Variants in VPS13B observed in about 807,000 individuals in gnomAD.
VPS13B encodes vacuolar protein sorting 13 homolog B, also known as intermembrane lipid transfer protein VPS13B.
A neutral mutation model predicts 426.4 loss-of-function variants in VPS13B; 285 were observed. That is an observed-to-expected ratio of 0.67 (90% CI 0.61 to 0.74). VPS13B has a LOEUF of 0.74. Ranked by LOEUF, VPS13B falls within the 30% of genes least tolerant of loss-of-function variation. The pLI is 0.00. For synonymous variants in VPS13B, 1,676 were observed against 1,676.4 expected, an observed-to-expected ratio of 1.00 and a Z score of 0.01; for missense variants, 4,537 against 4,782.6, an observed-to-expected ratio of 0.95 and a Z score of 1.51.
chr8:99,119,806 A>C (rs1847850504), intron 7 of VPS13B, among the ~76,000 whole-genome samples: 1 of 152,122 alleles, frequency 6.6e-6, no homozygotes, highest in South Asian at 2.1e-4. Flanking sequence ...GAGTATGTGT[A>C]TTTATAGATT....
chr8:99,582,196 A>G lies in VPS13B; in HGVS notation c.5220+4563A>G, dbSNP rs181196379. Among the ~76,000 whole-genome samples the G allele has an allele frequency of 1.4e-4, 21 of 152,240 alleles. No individual in the cohort carries two copies. The East Asian group carries it at 2.9e-3, about 21-fold the overall frequency. ...TAGTCTCATAAAGGCCCAATTATAT[A>G]ATCATGGGCATTAGTTTATTTATTA... On this transcript the variant is annotated intron_variant, in intron 33 of 61. Transcript: ENST00000357162.
intron 33 of VPS13B, among the ~76,000 whole-genome samples, chr8:99,623,864 A>G (rs1393930690): frequency 6.6e-6 from 1 of 151,998 alleles, no homozygotes; most frequent in Non-Finnish European, 1.5e-5. Context: ...TACTCTCCAC[A>G]TGCAGAGATA....
intron 39 of VPS13B, among the ~76,000 whole-genome samples, chr8:99,747,851 T>G (rs1810176755): frequency 6.6e-6 from 1 of 151,982 alleles, no homozygotes; most frequent in Non-Finnish European, 1.5e-5. Context: ...GAATACTTTT[T>G]TTTTTCTCTT....
chr8:99,730,526 G>T (rs372355828), intron 39 of VPS13B, among the ~76,000 whole-genome samples: 1 of 151,996 alleles, frequency 6.6e-6, no homozygotes, highest in Non-Finnish European at 1.5e-5. Context: ...GTAAAAGTAT[G>T]AAAAAAAGAT....
intron 13 of VPS13B, among the ~76,000 whole-genome samples, chr8:99,145,999 A>G (rs1217087824): frequency 6.6e-6 from 1 of 152,202 alleles, no homozygotes; most frequent in Non-Finnish European, 1.5e-5. Flanking sequence ...CCATTCTGAT[A>G]GATGTGTAGT....
intron 17 of VPS13B, among the ~76,000 whole-genome samples, chr8:99,200,261 C>G (rs1242606468): frequency 6.6e-6 from 1 of 152,092 alleles, no homozygotes; most frequent in African/African-American, 2.4e-5. Flanking sequence ...AAATAGTATT[C>G]CATTTTATCC....
intron 19 of VPS13B, among the ~76,000 whole-genome samples, chr8:99,314,974 T>A (rs1340893934): frequency 6.6e-6 from 1 of 152,212 alleles, no homozygotes; most frequent in Non-Finnish European, 1.5e-5. Flanking sequence ...TCAATTTGCA[T>A]GGAATATCTT....
intron 33 of VPS13B, among the ~76,000 whole-genome samples, chr8:99,624,007 A>ATATATATATTTTT (rs1206203704): frequency 2.0e-5 from 2 of 101,122 alleles, no homozygotes; most frequent in African/African-American, 8.8e-5. Context: ...ATATATATAT[A>ATATATATATTTTT]TTTTTTTTTT....
At chr8:99,799,547 GT>G in intron 43 of VPS13B, among the ~76,000 whole-genome samples, 1 of 152,246 alleles carries the variant, frequency 6.6e-6, no homozygotes, top group East Asian at 1.9e-4. Flanking sequence ...CAGCAAGGCA[GT>G]TTAGTTAAAT....
intron 3 of VPS13B, among the ~76,000 whole-genome samples, chr8:99,065,896 T>A (rs916589647): frequency 6.6e-6 from 1 of 152,206 alleles, no homozygotes; most frequent in Admixed American, 6.5e-5. Context: ...TGAACTCCCA[T>A]TCACAATTGC....
At chr8:99,660,318 C>T (rs1015880617) in intron 34 of VPS13B, among the ~76,000 whole-genome samples, 19 of 152,140 alleles carry the variant, frequency 1.2e-4, no homozygotes, top group Non-Finnish European at 2.6e-4. Flanking sequence ...TACTAAATAA[C>T]CATATGTTGA....
At chr8:99,280,683 G>C (rs1157258660) in intron 19 of VPS13B, among the ~76,000 whole-genome samples, 2 of 151,840 alleles carry the variant, frequency 1.3e-5, no homozygotes, top group Non-Finnish European at 2.9e-5. Context: ...TACCACTAGA[G>C]AAAATATCTA....
intron 34 of VPS13B, among the ~76,000 whole-genome samples, chr8:99,650,182 A>G (rs574379270): frequency 1.3e-5 from 2 of 152,272 alleles, no homozygotes; most frequent in Admixed American, 1.3e-4. Flanking sequence ...ATACTTTTAT[A>G]TCTTTACATC....
chr8:99,834,704 G>T (rs1326155211), intron 52 of VPS13B, among the ~76,000 whole-genome samples: 1 of 152,048 alleles, frequency 6.6e-6, no homozygotes, highest in South Asian at 2.1e-4. Context: ...GACCACAAGT[G>T]TGCACCACAG....
intron 23 of VPS13B, among the ~76,000 whole-genome samples, chr8:99,446,236 C>T (rs1017838200): frequency 6.6e-6 from 1 of 150,988 alleles, no homozygotes; most frequent in African/African-American, 2.4e-5. Flanking sequence ...GTTTCTTTGC[C>T]TTTTTTTTTG....
At chr8:99,517,441 C>T (rs912433072) in intron 29 of VPS13B, among the ~76,000 whole-genome samples, 1 of 152,060 alleles carries the variant, frequency 6.6e-6, no homozygotes, top group South Asian at 2.1e-4. Context: ...AAGATGAAAT[C>T]TTTCAGGCTT....
intron 32 of VPS13B, among the ~76,000 whole-genome samples, chr8:99,576,485 A>G (rs1358609500): frequency 4.6e-5 from 7 of 152,086 alleles, no homozygotes; most frequent in African/African-American, 1.7e-4. Context: ...CTTGTGGAGG[A>G]AAAAATTGTT....
chr8:99,366,227 A>G (rs756129358), intron 19 of VPS13B, among the ~76,000 whole-genome samples: 2 of 152,076 alleles, frequency 1.3e-5, no homozygotes, highest in Non-Finnish European at 2.9e-5. Context: ...GTTGGGGTCT[A>G]TCTTTCTAGC....
intron 19 of VPS13B, among the ~76,000 whole-genome samples, chr8:99,335,617 A>G (rs1200922708): frequency 6.6e-6 from 1 of 152,156 alleles, no homozygotes; most frequent in African/African-American, 2.4e-5. Context: ...AGAAAACCCC[A>G]TTGTCTCAGC....
Sources: gnomAD v4.1 joint callset for allele counts (sites outside exome capture counted in the v4.1 genomes callset) on GRCh38, gnomAD v4.1.1 for gene constraint, MANE v1.5 for transcripts, NCBI Gene and HGNC (gene_info 2026-07-23, HGNC 2026-07-21) for gene names.